PPWD1: variants seen among roughly 807,000 people sequenced by gnomAD.
PPWD1 encodes the protein peptidylprolyl isomerase domain and WD repeat-containing protein 1.
A neutral mutation model predicts 68.8 loss-of-function variants in PPWD1; 43 were observed. The ratio of observed to expected loss-of-function variants is 0.62; its 90% CI spans 0.49 to 0.81. The LOEUF (loss-of-function observed/expected upper bound fraction) is 0.81, where lower values mean the gene tolerates loss of function less well. PPWD1 is among the 30% of genes least tolerant of loss of function. PPWD1 has a pLI of 0.00. For missense variants in PPWD1, 672 were observed against 804.8 expected, an observed-to-expected ratio of 0.83 and a Z score of 2.00; for synonymous variants, 232 against 258.7, an observed-to-expected ratio of 0.90 and a Z score of 0.99.
At chr5:65,563,614 A>T in intron 1 of PPWD1, 108 bp downstream of exon 1, 1 of 1,412,142 alleles carries the variant, frequency 7.1e-7, no homozygotes, top group Non-Finnish European at 9.6e-7. Context: ...GTGCCCTCAG[A>T]ACAGAGGGCC....
At chr5:65,569,010 AT>A (rs907354904) in intron 2 of PPWD1, 3 of 455,728 alleles carry the variant, frequency 6.6e-6, no homozygotes, top group African/African-American at 6.0e-5. Context: ...TACATTTAAC[AT>A]TTTAAAACTA....
intron 9 of PPWD1, among the ~76,000 whole-genome samples, chr5:65,585,418 T>C (rs1753794080): frequency 6.6e-6 from 1 of 152,166 alleles, no homozygotes; most frequent in African/African-American, 2.4e-5. Context: ...AGGGTCTAGA[T>C]CTAGAAGATA....
At position 65,573,476 on chromosome 5, in the gene PPWD1, T is replaced by TATATATATATATATATATATATA. The variant is rs201295161; in HGVS notation, c.969+1190_969+1191insATATATATATATATATATATATA. On this transcript the variant is annotated intron_variant, in intron 5 of 10. Transcript: ENST00000261308. The stretch of plus-strand genomic sequence containing the variant: ...CTTAGCTAATATATATATATATATA[T>TATATATATATATATATATATATA]TTTTTTTTTATTAGAGATGGGTTTT... 3.5e-4 allele frequency among the ~76,000 whole-genome samples: 21 copies of TATATATATATATATATATATATA among 59,658 alleles called. 1 individual carries two copies. The highest frequency in any genetic ancestry group is 7.0e-4 in the African/African-American group (11 of 15,708). 39.1% of individuals were successfully genotyped at this position (59,658 alleles called of 152,430 possible). A position where few individuals can be genotyped will look rare whatever the true frequency, so the allele number is the denominator to read the frequency against.
Position 65,563,398 on chromosome 5 carries a change from A to G in PPWD1, c.88A>G (p.Arg30Gly). The G allele has an allele frequency of 1.2e-6, 2 of 1,614,196 alleles. No homozygotes were observed. The highest frequency in any genetic ancestry group is 1.6e-4 in the Middle Eastern group (1 of 6,062). Residue 30 changes from arginine to glycine, a missense_variant, in exon 1 of 11, where the codon AGA (arginine) becomes GGA (glycine). Physicochemically the swap from Arg to Gly is moderately radical, Grantham distance 125. Coordinates refer to ENST00000261308, the MANE Select transcript of PPWD1 (RefSeq NM_015342.4). ...ACCGGAAAAAACAGAACTCAGCGAA[A>G]GAGAGCTGGCAGTAGCAGTGGCGGT... ...EEPEKTELSE[R>G]ELAVAVAVSQ...
In PPWD1 at chr5:65,572,238, C is replaced by A; in HGVS notation, c.921C>A (p.Phe307Leu). ...GTTCTGATAGAAAAGTTAGAATTTT[C>A]AGATTTGTAACTGGAAAACTCATGA... ...TIGSDRKVRI[F>L]RFVTGKLMRV... Residue 307 changes from phenylalanine to leucine, a missense_variant, in exon 5 of 11, where the codon TTC becomes TTA. Coordinates refer to ENST00000261308, the MANE Select transcript of PPWD1 (RefSeq NM_015342.4). 6.2e-7 allele frequency: 1 copy of A among 1,612,122 alleles called. No individual in the cohort carries two copies. Among genetic ancestry groups the A allele is most frequent in the South Asian group, 1.1e-5 (1 of 91,000 alleles).
chr5:65,569,300 G>C, intron 2 of PPWD1: 1 of 277,576 alleles, frequency 3.6e-6, no homozygotes, highest in South Asian at 3.5e-5. Flanking sequence ...TTATTTTCTT[G>C]TGAAAAGACT....
chr5:65,576,092 G>T (rs1396561016), intron 5 of PPWD1, among the ~76,000 whole-genome samples: 2 of 142,812 alleles, frequency 1.4e-5, no homozygotes. Context: ...TTTTTTAAAA[G>T]AATGTAAGTT....
intron 5 of PPWD1, 24 bp downstream of exon 5, chr5:65,572,310 GTACTT>G (rs767159117): frequency 1.5e-5 from 23 of 1,543,990 alleles, no homozygotes; most frequent in Middle Eastern, 2.0e-4. Context: ...AAATTTAACC[GTACTT>G]TACTTTTCTA....
intron 5 of PPWD1, among the ~76,000 whole-genome samples, 176 bp downstream of exon 5, chr5:65,572,462 TCTC>T (rs1157151477): frequency 6.6e-6 from 1 of 152,206 alleles, no homozygotes; most frequent in Non-Finnish European, 1.5e-5. Context: ...GAAAGTCTCT[TCTC>T]TAGGGGTTTA....
chr5:65,573,476 T>TATATATATATATATATATA (rs201295161), intron 5 of PPWD1, among the ~76,000 whole-genome samples: 52 of 59,616 alleles, frequency 8.7e-4, no homozygotes, highest in African/African-American at 1.4e-3. Context: ...TATATATATA[T>TATATATATATATATATATA]TTTTTTTTTA....
chr5:65,576,879 A>T lies in PPWD1; in HGVS notation c.970A>T (p.Met324Leu). The T allele has an allele frequency of 6.2e-7, 1 of 1,613,812 alleles. No homozygotes were observed. Among genetic ancestry groups the T allele is most frequent in the Non-Finnish European group, 8.5e-7 (1 of 1,179,812 alleles). ...TGTTACTAAATGGTTTATTTCCTAG[A>T]TGTTTACTGAACTGCAACAGATGAG... ...LMRVFDESLSMFTELQQMRQQ... is the reference protein window; with the variant it reads ...LMRVFDESLSLFTELQQMRQQ... Residue 324 changes from methionine (M) to leucine (L), a missense_variant and splice_region_variant, in exon 6 of 11, where the codon ATG (methionine) becomes TTG (leucine). By Grantham distance (15) the Met-to-Leu change is conservative. This residue lies in a region of PPWD1 where 484 missense variants were observed against 646.2 expected (regional missense o/e 0.75). Transcript: ENST00000261308.
At chr5:65,571,393 C>A (rs533361577) in intron 4 of PPWD1, among the ~76,000 whole-genome samples, 1 of 151,998 alleles carries the variant, frequency 6.6e-6, no homozygotes, top group African/African-American at 2.4e-5. Flanking sequence ...TTTTCTTTGA[C>A]GTATTGTCAT....
At chr5:65,578,285 A>T (rs564568040) in intron 6 of PPWD1, among the ~76,000 whole-genome samples, 2 of 152,354 alleles carry the variant, frequency 1.3e-5, no homozygotes, top group African/African-American at 4.8e-5. Flanking sequence ...GCAGTTATGT[A>T]TAAAAGCTGC....
At chr5:65,587,102 A>G (rs1013696784) in intron 10 of PPWD1, 151 bp from the exon 11 acceptor site, 7 of 844,756 alleles carry the variant, frequency 8.3e-6, no homozygotes, top group African/African-American at 1.8e-5. Context: ...AAAAGCTGCT[A>G]CATTTTTATT....
At chr5:65,583,551 T>A (rs1012202739) in intron 8 of PPWD1, among the ~76,000 whole-genome samples, 6 of 152,198 alleles carry the variant, frequency 3.9e-5, no homozygotes, top group Non-Finnish European at 8.8e-5. Flanking sequence ...TTGCTTTGCT[T>A]TCCTCTCAAA....
At chr5:65,569,793 A>C (rs1421527247) in intron 3 of PPWD1, 61 bp downstream of exon 3, 1 of 1,546,424 alleles carries the variant, frequency 6.5e-7, no homozygotes, top group Non-Finnish European at 8.7e-7. Context: ...TAAAGTTTAA[A>C]TTTTTTAAAT....
rs1753329930 is a variant in PPWD1 at position 65,577,059 on chromosome 5, G to A, written c.1150G>A (p.Glu384Lys). 6.2e-7 allele frequency: 1 copy of A among 1,611,020 alleles called. No homozygotes were observed. The highest frequency in any genetic ancestry group is 1.1e-5 in the South Asian group (1 of 90,804). Residue 384 changes from glutamate to lysine, a missense_variant, in exon 6 of 11, where the codon GAG becomes AAG. Around this residue, in one of 2 missense-constraint regions of PPWD1, gnomAD observed 484 missense variants for 646.2 expected, o/e 0.75. Transcript: ENST00000261308. ...GCTGGGCATTAAAGTTATAAATGTA[G>A]AGACAAACCGGTAAGCTTTAATATG... is the stretch of plus-strand genomic sequence containing the variant. ...TMLGIKVINV[E>K]TNRCVRILGK...
intron 2 of PPWD1, chr5:65,568,864 A>G (rs1316848220): frequency 2.2e-6 from 1 of 454,588 alleles, no homozygotes; most frequent in Non-Finnish European, 4.4e-6. Context: ...TATACATATT[A>G]GCATTGCTGT....
intron 4 of PPWD1, chr5:65,570,428 T>C (rs1173126194): frequency 3.1e-6 from 2 of 652,568 alleles, no homozygotes; most frequent in Non-Finnish European, 3.8e-6. Flanking sequence ...ACTAAAACTA[T>C]GGTTAGATTG....
Sources: allele counts gnomAD v4.1 joint callset (sites outside exome capture counted in the v4.1 genomes callset), GRCh38; gene constraint gnomAD v4.1.1; regional missense constraint gnomAD v4.1.1; transcripts MANE v1.5; gene names NCBI Gene and HGNC (gene_info 2026-07-23, HGNC 2026-07-21).